The following HCN1 variants were observed in gnomAD, a reference collection of about 807,000 sequenced individuals.
The protein encoded by HCN1 is potassium/sodium hyperpolarization-activated cyclic nucleotide-gated channel 1.
HCN1 carries 13 observed loss-of-function variants against 78.9 expected under a neutral mutation model. The ratio of observed to expected loss-of-function variants is 0.16; its 90% CI spans 0.11 to 0.26. HCN1 has a LOEUF of 0.26. Among genes scored for constraint, HCN1 ranks in the 10% least tolerant of loss-of-function variants. The pLI, the probability that HCN1 is intolerant of heterozygous loss-of-function variation, is 1.00. For missense variants in HCN1, 810 were observed against 1,154.3 expected, an observed-to-expected ratio of 0.70 and a Z score of 4.32; for synonymous variants, 552 against 455.5, an observed-to-expected ratio of 1.21 and a Z score of -2.70.
chr5:45,349,308 A>G (rs1465702769), intron 5 of HCN1, among the ~76,000 whole-genome samples: 1 of 152,210 alleles, frequency 6.6e-6, no homozygotes, highest in Non-Finnish European at 1.5e-5. Context: ...AGAAATAAAG[A>G]TGTTCTTTGA....
chr5:45,438,584 C>T (rs112412716), intron 3 of HCN1, among the ~76,000 whole-genome samples: 9 of 148,074 alleles, frequency 6.1e-5, no homozygotes, highest in South Asian at 2.1e-4. Context: ...AGCGAGACTC[C>T]GTCTCAAAAA....
intron 5 of HCN1, among the ~76,000 whole-genome samples, chr5:45,328,059 C>A (rs1038586495): frequency 6.6e-6 from 1 of 151,650 alleles, no homozygotes; most frequent in Non-Finnish European, 1.5e-5. Flanking sequence ...TGTATCAGTA[C>A]AGTAGTCCCC....
rs150695303 is a variant in HCN1 at position 45,359,414 on chromosome 5, A to T, written c.1231-6168T>A. ...ACTTTCAGGAAGCATCAAAAAAAAA[A>T]AAATATATATATATATATATCACCT... On this transcript the variant is annotated intron_variant, in intron 4 of 7. Transcript: ENST00000303230. Among the ~76,000 whole-genome samples, 2,411 of 145,236 alleles carry T rather than the reference A, an allele frequency of 0.017. 93 individuals are homozygous for T. In the East Asian group the frequency reaches 0.19, roughly 11 times the overall value.
At chr5:45,654,704 A>G (rs1325390201) in intron 1 of HCN1, among the ~76,000 whole-genome samples, 3 of 152,142 alleles carry the variant, frequency 2.0e-5, no homozygotes, top group Non-Finnish European at 4.4e-5. Context: ...TTGAAGCTCA[A>G]CTGAATGACT....
intron 2 of HCN1, among the ~76,000 whole-genome samples, chr5:45,494,088 T>C (rs1319185751): frequency 2.0e-5 from 3 of 152,294 alleles, no homozygotes; most frequent in Admixed American, 1.3e-4. Flanking sequence ...TATAGCAGCA[T>C]GATTTATAGT....
intron 1 of HCN1, among the ~76,000 whole-genome samples, chr5:45,678,539 T>C (rs1201958726): frequency 1.3e-5 from 2 of 151,990 alleles, no homozygotes; most frequent in Admixed American, 6.6e-5. Context: ...GCTAAAGTTT[T>C]AGAGCCTCCT....
intron 2 of HCN1, among the ~76,000 whole-genome samples, chr5:45,464,185 A>T (rs1741222210): frequency 6.6e-6 from 1 of 152,096 alleles, no homozygotes; most frequent in Admixed American, 6.6e-5. Flanking sequence ...CTTTAAGAAA[A>T]CCCTATTATC....
At position 45,501,025 on chromosome 5, in the gene HCN1, C is replaced by T. The variant is rs560666549; in HGVS notation, c.850-39018G>A. ...ACTGTGACATAAAATAAAATGCTAA[C>T]AGAGCAAGTAAAATATCAGGGATGA... On this transcript the variant is annotated intron_variant, in intron 2 of 7. Coordinates refer to ENST00000303230, the MANE Select transcript of HCN1 (RefSeq NM_021072.4). 1.2e-4 allele frequency among the ~76,000 whole-genome samples: 18 copies of T among 152,182 alleles called. 1 individual carries two copies. The highest frequency in any genetic ancestry group is 4.3e-4 in the African/African-American group (18 of 41,536).
At chr5:45,588,087 G>A (rs892826907) in intron 2 of HCN1, among the ~76,000 whole-genome samples, 3 of 152,080 alleles carry the variant, frequency 2.0e-5, no homozygotes, top group Admixed American at 2.0e-4. Context: ...TGCCACCAAA[G>A]TACCAGCATT....
At chr5:45,267,372 T>A in intron 6 of HCN1, 119 bp from the exon 7 acceptor site, 1 of 789,618 alleles carries the variant, frequency 1.3e-6, no homozygotes, top group Non-Finnish European at 2.1e-6. Context: ...ATTAGCAGCA[T>A]TTTCTATTAT....
At chr5:45,325,155 C>T (rs1289017977) in intron 5 of HCN1, among the ~76,000 whole-genome samples, 2 of 151,664 alleles carry the variant, frequency 1.3e-5, no homozygotes, top group Non-Finnish European at 3.0e-5. Flanking sequence ...ACTGACCTGC[C>T]AAAGATGACA....
intron 2 of HCN1, among the ~76,000 whole-genome samples, chr5:45,541,605 A>AAAACATGTAAAATACTGAACAG (rs533362786): frequency 0.017 from 2,517 of 152,272 alleles, 67 homozygotes; most frequent in African/African-American, 0.057. Context: ...GCAATGGTTT[A>AAAACATGTAAAATACTGAACAG]AAACATGTAA....
At chr5:45,652,434 T>C (rs73103096) in intron 1 of HCN1, among the ~76,000 whole-genome samples, 49 of 152,060 alleles carry the variant, frequency 3.2e-4, no homozygotes, top group African/African-American at 1.1e-3. Context: ...CCATTAACAA[T>C]GTGGACATTA....
At chr5:45,400,341 C>T (rs919707967) in intron 3 of HCN1, among the ~76,000 whole-genome samples, 1 of 151,174 alleles carries the variant, frequency 6.6e-6, no homozygotes, top group African/African-American at 2.4e-5. Context: ...ACAAAACACA[C>T]ACCTGTGTAT....
chr5:45,504,282 G>A (rs954704925), intron 2 of HCN1, among the ~76,000 whole-genome samples: 66 of 152,112 alleles, frequency 4.3e-4, no homozygotes, highest in Middle Eastern at 3.4e-3. Context: ...CCCGGTGTGT[G>A]ATGTTCCCCT....
intron 3 of HCN1, among the ~76,000 whole-genome samples, chr5:45,424,734 G>A (rs1023257695): frequency 3.3e-5 from 5 of 152,072 alleles, no homozygotes; most frequent in Non-Finnish European, 7.4e-5. Context: ...AGAATACAGA[G>A]TTGCAGTCTT....
At chr5:45,527,000 T>A (rs1044302769) in intron 2 of HCN1, among the ~76,000 whole-genome samples, 1 of 138,484 alleles carries the variant, frequency 7.2e-6, no homozygotes, top group African/African-American at 2.7e-5. Flanking sequence ...CAGAAATCTT[T>A]CCTTTCCTTC....
rs74495283 is a variant in HCN1, at chr5:45,614,021, T to C, written c.849+31164A>G. On this transcript the variant is annotated intron_variant, in intron 2 of 7. Transcript: ENST00000303230. ...CTATTTAGCCTTAGGTTTATTCTTG[T>C]TATGTATAGCAGGTCCGGAAAAATG... Among the ~76,000 whole-genome samples the C allele has an allele frequency of 8.6e-3, 1,316 of 152,246 alleles. 25 individuals carry two copies. The highest frequency in any genetic ancestry group is 0.031 in the African/African-American group (1,289 of 41,550).
chr5:45,639,728 CTG>C (rs1315136716), intron 2 of HCN1, among the ~76,000 whole-genome samples: 1 of 152,162 alleles, frequency 6.6e-6, no homozygotes, highest in Admixed American at 6.5e-5. Flanking sequence ...TAAAAAAGTA[CTG>C]TGTTTGACAC....
Sources: allele counts gnomAD v4.1 joint callset (sites outside exome capture counted in the v4.1 genomes callset), GRCh38; gene constraint gnomAD v4.1.1; transcripts MANE v1.5; gene names NCBI Gene and HGNC (gene_info 2026-07-23, HGNC 2026-07-21).